The following AGPS variants were observed in gnomAD, a reference collection of about 807,000 sequenced individuals.
The protein encoded by AGPS is alkylglycerone phosphate synthase, also known as alkyldihydroxyacetonephosphate synthase, peroxisomal.
Under a neutral mutation model 90.7 loss-of-function variants are expected in AGPS, and 26 were observed. The ratio of observed to expected loss-of-function variants is 0.29; its 90% CI spans 0.21 to 0.40. AGPS has a LOEUF of 0.40. AGPS is among the 10% of genes least tolerant of loss of function. AGPS has a pLI of 1.00. For synonymous variants in AGPS, 294 were observed against 285.3 expected (o/e 1.03, Z -0.31); for missense variants, 540 against 816.1 (o/e 0.66, Z 4.12).
chr2:177,393,088 C>A, intron 1 of AGPS, 39 bp downstream of exon 1: 1 of 1,550,174 alleles, frequency 6.5e-7, no homozygotes, highest in Non-Finnish European at 8.7e-7. Context: ...CGTCGAGGGA[C>A]CAGGCCGGGC....
chr2:177,498,885 T>G (rs1688482484), intron 13 of AGPS, among the ~76,000 whole-genome samples: 1 of 151,790 alleles, frequency 6.6e-6, no homozygotes, highest in South Asian at 2.1e-4. Context: ...TAGATTTCAT[T>G]GTTGTAGGTC....
At chr2:177,494,423 A>G (rs1688354513) in intron 12 of AGPS, among the ~76,000 whole-genome samples, 1 of 152,224 alleles carries the variant, frequency 6.6e-6, no homozygotes, top group East Asian at 1.9e-4. Flanking sequence ...GTGAAAAACC[A>G]CTTGTGTGTT....
intron 11 of AGPS, among the ~76,000 whole-genome samples, chr2:177,482,768 T>G (rs1406084787): frequency 6.6e-6 from 1 of 152,084 alleles, no homozygotes; most frequent in African/African-American, 2.4e-5. Context: ...TTTTCTCCCC[T>G]CCTTAAAAAA....
chr2:177,440,900 T>C, intron 5 of AGPS, 65 bp from the exon 6 acceptor site: 1 of 1,390,922 alleles, frequency 7.2e-7, no homozygotes, highest in South Asian at 1.2e-5. Context: ...TAGGTTCTTA[T>C]TTGCCAAGGT....
chr2:177,409,263 G>A (rs58936343), intron 1 of AGPS, among the ~76,000 whole-genome samples: 4,039 of 151,794 alleles, frequency 0.027, 199 homozygotes, highest in African/African-American at 0.093. Context: ...AGATTTAAGA[G>A]TGAAAACAGA....
In AGPS at chr2:177,464,034, C is replaced by T. The variant is rs919935497; in HGVS notation, c.996+2016C>T. Among the ~76,000 whole-genome samples, 4 of 152,096 alleles carry T rather than the reference C, an allele frequency of 2.6e-5. No individual in the cohort carries two copies. In the East Asian group the frequency reaches 5.8e-4, roughly 22 times the overall value. On this transcript the variant is annotated intron_variant, in intron 9 of 19. Coordinates refer to ENST00000264167, the MANE Select transcript of AGPS (RefSeq NM_003659.4). ...TCAGCTCACTGCAACCTCCGCGTCC[C>T]GGGTTCAAGCGATTCTCCTGCCTCA...
At chr2:177,450,463 A>G (rs544018657) in intron 8 of AGPS, among the ~76,000 whole-genome samples, 317 of 152,252 alleles carry the variant, frequency 2.1e-3, no homozygotes, top group Middle Eastern at 6.9e-3. Context: ...CTGAGTTATT[A>G]TTTGTATATG....
At chr2:177,421,837 G>A (rs576744961) in intron 2 of AGPS, among the ~76,000 whole-genome samples, 2 of 152,080 alleles carry the variant, frequency 1.3e-5, no homozygotes, top group African/African-American at 2.4e-5. Context: ...CTCTCTTCTC[G>A]GACACTGTCC....
intron 17 of AGPS, among the ~76,000 whole-genome samples, chr2:177,520,699 A>C (rs758515025): frequency 3.3e-5 from 5 of 152,228 alleles, no homozygotes; most frequent in Non-Finnish European, 7.4e-5. Context: ...TTGTGCATAA[A>C]ATTTGTTAAA....
chr2:177,471,751 T>C (rs899730757), intron 10 of AGPS, among the ~76,000 whole-genome samples: 3 of 152,182 alleles, frequency 2.0e-5, no homozygotes, highest in African/African-American at 4.8e-5. Context: ...CCCAGAGTTC[T>C]GGAATGTTCC....
At chr2:177,525,917 CCA>C (rs1421864635) in intron 19 of AGPS, among the ~76,000 whole-genome samples, 2 of 152,076 alleles carry the variant, frequency 1.3e-5, no homozygotes, top group African/African-American at 4.8e-5. Context: ...CAGATGTACC[CCA>C]GACACTGAGA....
At chr2:177,471,015 G>A (rs963874034) in intron 10 of AGPS, among the ~76,000 whole-genome samples, 1 of 152,078 alleles carries the variant, frequency 6.6e-6, no homozygotes, top group Non-Finnish European at 1.5e-5. Flanking sequence ...ACAATTTAGT[G>A]TAGTAAATAC....
chr2:177,429,934 CA>C (rs912140396), intron 2 of AGPS, among the ~76,000 whole-genome samples: 8 of 152,228 alleles, frequency 5.3e-5, no homozygotes, highest in African/African-American at 1.9e-4. Context: ...GTGTCTCCCC[CA>C]AGGGGCTCTG....
intron 9 of AGPS, among the ~76,000 whole-genome samples, chr2:177,466,815 C>G (rs1446532477): frequency 6.6e-6 from 1 of 152,084 alleles, no homozygotes; most frequent in African/African-American, 2.4e-5. Flanking sequence ...GGGCTGGGGG[C>G]TTCCCAGGCC....
intron 2 of AGPS, among the ~76,000 whole-genome samples, chr2:177,432,305 A>G (rs1286768326): frequency 1.3e-5 from 2 of 152,246 alleles, no homozygotes; most frequent in African/African-American, 2.4e-5. Flanking sequence ...AAGCCATTTA[A>G]TATTCTCAAA....
chr2:177,513,691 A>G, intron 16 of AGPS, 128 bp from the exon 17 acceptor site: 2 of 696,798 alleles, frequency 2.9e-6, no homozygotes, highest in East Asian at 5.4e-5. Context: ...CATTCTTGAA[A>G]GGACAACTAT....
Position 177,436,668 on chromosome 2 carries a change from A to T in AGPS, c.442-96A>T, listed in dbSNP as rs1310510202. The T allele has an allele frequency of 6.5e-6, 8 of 1,230,282 alleles. No homozygotes were observed. The East Asian group carries it at 7.2e-5, about 11-fold the overall frequency. 76.2% of individuals were successfully genotyped at this position (1,230,282 alleles called of 1,614,324 possible). A position where few individuals can be genotyped will look rare whatever the true frequency, so the allele number is the denominator to read the frequency against. On this transcript the variant is annotated intron_variant, in intron 3 of 19. Transcript: ENST00000264167. ...TGCTTCAGCCTTACTTTGAATGTTTAAAAAAAAGTCTACATTTTATAGTCA... is the reference window on the plus strand; with the variant it reads ...TGCTTCAGCCTTACTTTGAATGTTTTAAAAAAAGTCTACATTTTATAGTCA...
chr2:177,530,548 T>C (rs1281394893), intron 19 of AGPS, among the ~76,000 whole-genome samples: 1 of 152,188 alleles, frequency 6.6e-6, no homozygotes, highest in Non-Finnish European at 1.5e-5. Flanking sequence ...TTACTGACCT[T>C]CAGGCAGTGT....
intron 10 of AGPS, among the ~76,000 whole-genome samples, chr2:177,480,190 A>T (rs1436491098): frequency 6.6e-6 from 1 of 152,112 alleles, no homozygotes; most frequent in Non-Finnish European, 1.5e-5. Context: ...CAAAAATTTT[A>T]AAAAAATACC....
Sources: gnomAD v4.1 joint callset for allele counts (sites outside exome capture counted in the v4.1 genomes callset) on GRCh38, gnomAD v4.1.1 for gene constraint, MANE v1.5 for transcripts, NCBI Gene and HGNC (gene_info 2026-07-23, HGNC 2026-07-21) for gene names.